Variants in EPB41L3 observed in about 807,000 individuals in gnomAD.
The protein encoded by EPB41L3 is erythrocyte membrane protein band 4.1 like 3.
EPB41L3 carries 57 observed loss-of-function variants against 127.1 expected under a neutral mutation model. The observed-to-expected ratio is 0.45, with a 90% CI of 0.36 to 0.56. The LOEUF (loss-of-function observed/expected upper bound fraction) is 0.56. EPB41L3 is among the 20% of genes least tolerant of loss of function. The probability of loss-of-function intolerance (pLI) is 0.00; values close to 1 mark genes in which losing one functional copy is unlikely to be tolerated. For synonymous variants in EPB41L3, 572 were observed against 549.5 expected (o/e 1.04, Z -0.57); for missense variants, 1,273 against 1,372.2 (o/e 0.93, Z 1.14).
At chr18:5,620,249 G>A (rs987244112) in intron 1 of EPB41L3, among the ~76,000 whole-genome samples, 1 of 152,118 alleles carries the variant, frequency 6.6e-6, no homozygotes, top group Non-Finnish European at 1.5e-5. Flanking sequence ...ATTAAGTGAC[G>A]ATGAACCCAC....
intron 3 of EPB41L3, among the ~76,000 whole-genome samples, chr18:5,569,494 CAGGGATGAGAG>C (rs1369509882): frequency 6.6e-6 from 1 of 152,122 alleles, no homozygotes; most frequent in Admixed American, 6.5e-5. Flanking sequence ...GTGATCACCT[CAGGGATGAGAG>C]AGGGATGAGA....
intron 16 of EPB41L3, 34 bp from the exon 17 acceptor site, chr18:5,398,177 A>G: frequency 3.1e-6 from 5 of 1,611,444 alleles, no homozygotes; most frequent in Non-Finnish European, 2.5e-6. Flanking sequence ...GTCAAGCACA[A>G]AAGAGAGACA....
At chr18:5,445,724 G>T (rs1441537215) in intron 3 of EPB41L3, among the ~76,000 whole-genome samples, 1 of 152,212 alleles carries the variant, frequency 6.6e-6, no homozygotes, top group African/African-American at 2.4e-5. Context: ...TAGGAAGAGG[G>T]CTGCACAGCA....
rs953975707 is a variant in EPB41L3, at chr18:5,487,496, T to A, written c.183+1505A>T. 2.0e-4 allele frequency among the ~76,000 whole-genome samples: 29 copies of A among 142,692 alleles called. No homozygotes were observed. The East Asian group carries it at 2.2e-3, about 11-fold the overall frequency. The allele number at this position is 142,692 out of a possible 152,430, so 93.6% of individuals were successfully genotyped here. A position where few individuals can be genotyped will look rare whatever the true frequency, so the allele number is the denominator to read the frequency against. ...TTTTATTTGTATATTTTACCTCAAA[T>A]TTTTTTTTTTTTTGAGACAGAGTCT... is the stretch of plus-strand genomic sequence containing the variant. On this transcript the variant is annotated intron_variant, in intron 2 of 22. Coordinates refer to ENST00000341928, the MANE Select transcript of EPB41L3 (RefSeq NM_012307.5).
chr18:5,543,035 A>G lies in EPB41L3; in HGVS notation c.-12+878T>C, dbSNP rs2093781081. On this transcript the variant is annotated intron_variant, in intron 1 of 22. Coordinates refer to ENST00000341928, the MANE Select transcript of EPB41L3 (RefSeq NM_012307.5). The surrounding 1 kb of genome is among the most constrained non-coding windows in gnomAD (Gnocchi z 5.2). ...CCGCCTTCGCAGACACCTCCCGAGG[A>G]GAATCGCGGCCCCGAGGGCGCCAGG... Among the ~76,000 whole-genome samples the G allele has an allele frequency of 6.6e-6, 1 of 152,014 alleles. No individual in the cohort carries two copies. Among genetic ancestry groups the G allele is most frequent in the African/African-American group, 2.4e-5 (1 of 41,400 alleles).
At chr18:5,526,412 C>A (rs373006062) in intron 1 of EPB41L3, among the ~76,000 whole-genome samples, 1 of 152,190 alleles carries the variant, frequency 6.6e-6, no homozygotes, top group South Asian at 2.1e-4. Context: ...CCTTTATCAA[C>A]GAGACACATT....
chr18:5,479,919 T>C (rs977469084), intron 2 of EPB41L3, among the ~76,000 whole-genome samples: 2 of 152,134 alleles, frequency 1.3e-5, no homozygotes, highest in South Asian at 2.1e-4. Flanking sequence ...ACAGAGAAGT[T>C]TGGTTACTTT....
Position 5,627,158 on chromosome 18 carries a change from T to C in EPB41L3, c.-468+1764A>G, listed in dbSNP as rs76985112. 6.2e-3 allele frequency among the ~76,000 whole-genome samples: 951 copies of C among 152,264 alleles called. 9 individuals are homozygous for C. Among genetic ancestry groups the C allele is most frequent in the African/African-American group, 0.021 (887 of 41,538 alleles). On this transcript the variant is annotated intron_variant, in intron 1 of 21. Coordinates refer to the EPB41L3 transcript ENST00000545076. ...CATCCTCTGTGAAGTTCCCTTGCTG[T>C]TGCTGTTCAAAGTGCGAGGTCACTT...
intron 1 of EPB41L3, among the ~76,000 whole-genome samples, chr18:5,532,771 G>C (rs2093450844): frequency 6.6e-6 from 1 of 152,140 alleles, no homozygotes; most frequent in South Asian, 2.1e-4. Context: ...AGCATTCACT[G>C]AGATAAGGCG....
chr18:5,544,275 G>A (rs2093838157), upstream of EPB41L3: 2 of 985,622 alleles, frequency 2.0e-6, no homozygotes, highest in South Asian at 9.4e-5. Context: ...AATAGCTTTA[G>A]CCCTTTATTC....
intron 2 of EPB41L3, among the ~76,000 whole-genome samples, chr18:5,480,401 C>A (rs2088200470): frequency 6.6e-6 from 1 of 152,114 alleles, no homozygotes; most frequent in Non-Finnish European, 1.5e-5. Context: ...CTCTTTTAAT[C>A]CTCACAGCTC....
chr18:5,542,858 G>A (rs1008788129), intron 1 of EPB41L3, among the ~76,000 whole-genome samples: 4 of 152,224 alleles, frequency 2.6e-5, no homozygotes, highest in African/African-American at 9.6e-5. Context: ...GCGGGCGTGG[G>A]GGGGAAGGGG....
chr18:5,558,176 G>C (rs1484049406), intron 3 of EPB41L3, among the ~76,000 whole-genome samples: 5 of 152,170 alleles, frequency 3.3e-5, no homozygotes, highest in African/African-American at 1.2e-4. Context: ...GTAAATGATA[G>C]AACTGAGCTT....
chr18:5,393,813 T>C (rs1358980823), intron 22 of EPB41L3: 1 of 226,482 alleles, frequency 4.4e-6, no homozygotes, highest in East Asian at 1.1e-4. Context: ...GAAAACTTAC[T>C]AATATATGAA....
chr18:5,532,889 A>T (rs1456779169), intron 1 of EPB41L3, among the ~76,000 whole-genome samples: 2 of 152,192 alleles, frequency 1.3e-5, no homozygotes, highest in African/African-American at 4.8e-5. Context: ...AGACAAGGAG[A>T]TCAAGCTGGA....
chr18:5,505,549 AC>A (rs2092089737), intron 1 of EPB41L3, among the ~76,000 whole-genome samples: 1 of 128,606 alleles, frequency 7.8e-6, no homozygotes, highest in Admixed American at 7.9e-5. Flanking sequence ...TACCCTCCAC[AC>A]CTTCAGCTCT....
chr18:5,541,224 G>A (rs2093718090), intron 1 of EPB41L3, among the ~76,000 whole-genome samples: 1 of 118,788 alleles, frequency 8.4e-6, no homozygotes, highest in South Asian at 2.8e-4. Context: ...TTGCACTCCA[G>A]CCTGGGTGAC....
At chr18:5,474,031 A>C (rs1456396681) in intron 3 of EPB41L3, among the ~76,000 whole-genome samples, 1 of 152,066 alleles carries the variant, frequency 6.6e-6, no homozygotes, top group Non-Finnish European at 1.5e-5. Flanking sequence ...GGAGATCGAG[A>C]CCATCTTGGC....
chr18:5,527,080 T>C (rs1048851289), intron 1 of EPB41L3, among the ~76,000 whole-genome samples: 1 of 150,638 alleles, frequency 6.6e-6, no homozygotes, highest in Admixed American at 6.6e-5. Flanking sequence ...GCAGGCCAGA[T>C]GGTATATCAG....
Sources: gnomAD v4.1 joint callset for allele counts (sites outside exome capture counted in the v4.1 genomes callset) on GRCh38, gnomAD v4.1.1 for gene constraint, Gnocchi (gnomAD v3.1) non-coding constraint, MANE v1.5 for transcripts, NCBI Gene and HGNC (gene_info 2026-07-23, HGNC 2026-07-21) for gene names.